The following DPP10 variants were observed in gnomAD, a reference collection of about 807,000 sequenced individuals.
DPP10 encodes the protein dipeptidyl peptidase like 10.
In DPP10, 33 loss-of-function variants were observed where a neutral mutation model predicts 120.9. The ratio of observed to expected loss-of-function variants is 0.27; its 90% CI spans 0.21 to 0.37. The LOEUF (loss-of-function observed/expected upper bound fraction) is 0.37. DPP10 is among the 10% of genes least tolerant of loss of function. The probability of loss-of-function intolerance (pLI) is 1.00; values close to 1 mark genes in which losing one functional copy is unlikely to be tolerated. For missense variants in DPP10, 816 were observed against 942.8 expected (o/e 0.87, Z 1.76); for synonymous variants, 337 against 326.1 (o/e 1.03, Z -0.36).
At chr2:115,482,876 G>T (rs1248986038) in intron 3 of DPP10, among the ~76,000 whole-genome samples, 2 of 151,730 alleles carry the variant, frequency 1.3e-5, no homozygotes, top group Admixed American at 6.6e-5. Context: ...TAACCTCTGG[G>T]ATTTTACTCT....
chr2:115,770,736 G>A (rs1379703447), intron 13 of DPP10, among the ~76,000 whole-genome samples: 1 of 152,060 alleles, frequency 6.6e-6, no homozygotes, highest in Non-Finnish European at 1.5e-5. Flanking sequence ...TGACATATAT[G>A]CACTATAAAA....
chr2:114,806,266 T>C (rs1203915905), intron 1 of DPP10, among the ~76,000 whole-genome samples: 2 of 152,220 alleles, frequency 1.3e-5, no homozygotes, highest in Non-Finnish European at 2.9e-5. Flanking sequence ...GATTTGATTC[T>C]CATGAAAATG....
intron 4 of DPP10, among the ~76,000 whole-genome samples, chr2:115,520,087 G>T (rs914423633): frequency 1.3e-5 from 2 of 152,154 alleles, no homozygotes; most frequent in African/African-American, 4.8e-5. Flanking sequence ...GGGAGGCCAA[G>T]GCAGGTGGAT....
At chr2:114,969,041 C>T (rs1321892434) in intron 1 of DPP10, among the ~76,000 whole-genome samples, 1 of 152,158 alleles carries the variant, frequency 6.6e-6, no homozygotes, top group African/African-American at 2.4e-5. Context: ...AAACACTTTC[C>T]TGTTAATCTT....
intron 1 of DPP10, among the ~76,000 whole-genome samples, chr2:114,747,833 C>A (rs1678719487): frequency 1.3e-5 from 2 of 151,948 alleles, no homozygotes; most frequent in South Asian, 4.1e-4. Context: ...TTCTAGGGAA[C>A]TTTTTTTTCT....
chr2:115,831,275 G>A (rs974287789), intron 21 of DPP10, among the ~76,000 whole-genome samples: 4 of 151,914 alleles, frequency 2.6e-5, no homozygotes, highest in Admixed American at 6.6e-5. Context: ...TTGAGACGGA[G>A]TCTTACTCAG....
At chr2:114,753,908 CAAAAAAA>C (rs777798352) in intron 1 of DPP10, among the ~76,000 whole-genome samples, 28 of 33,766 alleles carry the variant, frequency 8.3e-4, no homozygotes, top group African/African-American at 1.9e-3. Context: ...GACTCCTTCT[CAAAAAAA>C]AAAAAAAAAA....
At chr2:115,507,075 A>C (rs553520176) in intron 4 of DPP10, among the ~76,000 whole-genome samples, 5 of 151,480 alleles carry the variant, frequency 3.3e-5, no homozygotes, top group African/African-American at 1.2e-4. Context: ...CACCCCACCA[A>C]GCAAGCAGCA....
At chr2:114,956,761 G>A (rs1698233810) in intron 1 of DPP10, among the ~76,000 whole-genome samples, 1 of 152,008 alleles carries the variant, frequency 6.6e-6, no homozygotes, top group Non-Finnish European at 1.5e-5. Flanking sequence ...TTGACAAATG[G>A]AACAGTATGG....
intron 1 of DPP10, among the ~76,000 whole-genome samples, chr2:114,790,757 G>T (rs932874123): frequency 6.6e-6 from 1 of 152,156 alleles, no homozygotes; most frequent in Non-Finnish European, 1.5e-5. Flanking sequence ...ATCAGTTAAG[G>T]CAAGGACCGG....
At chr2:114,729,099 A>G (rs959108345) in intron 1 of DPP10, among the ~76,000 whole-genome samples, 1 of 152,254 alleles carries the variant, frequency 6.6e-6, no homozygotes, top group Non-Finnish European at 1.5e-5. Context: ...ATGTGCTAAC[A>G]AGAAACAATA....
chr2:114,903,002 T>C (rs1272954144), intron 1 of DPP10, among the ~76,000 whole-genome samples: 1 of 152,238 alleles, frequency 6.6e-6, no homozygotes, highest in Non-Finnish European at 1.5e-5. Context: ...CTTTTTATTA[T>C]CTCTATAGTT....
chr2:115,725,528 A>G (rs1052229689), intron 7 of DPP10, among the ~76,000 whole-genome samples: 10 of 152,194 alleles, frequency 6.6e-5, no homozygotes, highest in Admixed American at 6.5e-4. Flanking sequence ...TTTCATATGG[A>G]TTCTGAGTAT....
chr2:114,592,278 C>T (rs1691525474), intron 1 of DPP10, among the ~76,000 whole-genome samples: 1 of 152,146 alleles, frequency 6.6e-6, no homozygotes. Context: ...GATTATTTCA[C>T]TGCCTATACC....
At chr2:114,714,644 C>T (rs1701240802) in intron 1 of DPP10, among the ~76,000 whole-genome samples, 1 of 152,058 alleles carries the variant, frequency 6.6e-6, no homozygotes, top group Admixed American at 6.6e-5. Context: ...AAGCTCATGG[C>T]ATATTTAGGG....
At chr2:115,174,183 C>T (rs896512239) in intron 1 of DPP10, among the ~76,000 whole-genome samples, 1 of 152,122 alleles carries the variant, frequency 6.6e-6, no homozygotes, top group Non-Finnish European at 1.5e-5. Flanking sequence ...TGCAGTATCT[C>T]ATTTTCCTGA....
chr2:115,640,646 A>G (rs1373111762), intron 5 of DPP10, among the ~76,000 whole-genome samples: 1 of 152,180 alleles, frequency 6.6e-6, no homozygotes, highest in Non-Finnish European at 1.5e-5. Flanking sequence ...GTGGAATCAG[A>G]TCGCAGCTGT....
intron 1 of DPP10, among the ~76,000 whole-genome samples, chr2:115,279,097 C>A (rs2105860283): frequency 1.3e-5 from 2 of 152,240 alleles, no homozygotes; most frequent in Middle Eastern, 6.8e-3. Context: ...AGTTAGACTT[C>A]ACCAAAATTA....
chr2:114,695,252 T>C (rs1700002868), intron 1 of DPP10, among the ~76,000 whole-genome samples: 1 of 152,014 alleles, frequency 6.6e-6, no homozygotes, highest in Non-Finnish European at 1.5e-5. Flanking sequence ...TGATAGAATC[T>C]ATAGGACTTG....
Sources: gnomAD v4.1 joint callset for allele counts (sites outside exome capture counted in the v4.1 genomes callset) on GRCh38, gnomAD v4.1.1 for gene constraint, MANE v1.5 for transcripts, NCBI Gene and HGNC (gene_info 2026-07-23, HGNC 2026-07-21) for gene names.